Variants in SAMD5 observed in about 807,000 individuals in gnomAD.
The protein encoded by SAMD5 is sterile alpha motif domain containing 5.
In SAMD5, 13 loss-of-function variants were observed where a neutral mutation model predicts 11.3. The ratio of observed to expected loss-of-function variants is 1.15; its 90% CI spans 0.75 to 1.83. The LOEUF (loss-of-function observed/expected upper bound fraction) is 1.83. SAMD5 is among the 40% of genes most tolerant of loss of function. The pLI is 0.00. For missense variants in SAMD5, 255 were observed against 239.1 expected (o/e 1.07, Z -0.44); for synonymous variants, 129 against 111.3 (o/e 1.16, Z -1.00).
the SAMD5 span, among the ~76,000 whole-genome samples, chr6:147,805,217 T>C: frequency 6.6e-6 from 1 of 152,258 alleles, no homozygotes; most frequent in Admixed American, 6.5e-5. Flanking sequence ...AGAATTTTCT[T>C]GTGCTTCTGT....
Position 147,566,089 on chromosome 6 carries a change from T to C in SAMD5, c.*1633T>C. 1 of 982,900 alleles carries C rather than the reference T, an allele frequency of 1.0e-6. No homozygotes were observed. The highest frequency in any genetic ancestry group is 1.2e-6 in the Non-Finnish European group (1 of 827,660). 60.9% of individuals were successfully genotyped at this position (982,900 alleles called of 1,614,324 possible). A position where few individuals can be genotyped will look rare whatever the true frequency, so the allele number is the denominator to read the frequency against. ...GATATTAGGTTTCTAAGGACAATTT[T>C]AACACAATACTGCTTTAAAAATCTG... On this transcript the variant is annotated 3_prime_UTR_variant, in exon 2 of 2. Transcript: ENST00000367474.
At chr6:147,571,115 A>G (rs1414267771), downstream of SAMD5, among the ~76,000 whole-genome samples, 1 of 152,238 alleles carries the variant, frequency 6.6e-6, no homozygotes, top group African/African-American at 2.4e-5. Context: ...AGGGGCCAGC[A>G]TTGTGGCTTG....
At chr6:147,720,536 A>C (rs1165728515) in intron 1 of SAMD5, among the ~76,000 whole-genome samples, 2 of 152,044 alleles carry the variant, frequency 1.3e-5, no homozygotes, top group African/African-American at 2.4e-5. Flanking sequence ...CTTGTGTAGA[A>C]ACGATACCAA....
At chr6:147,797,859 G>C in the SAMD5 span, among the ~76,000 whole-genome samples, 1 of 151,102 alleles carries the variant, frequency 6.6e-6, no homozygotes, top group Non-Finnish European at 1.5e-5. Context: ...TTTGCGTAGA[G>C]GTTTTGTAGT....
At chr6:147,888,653 C>T in the SAMD5 span, among the ~76,000 whole-genome samples, 13 of 152,030 alleles carry the variant, frequency 8.6e-5, no homozygotes, top group Admixed American at 7.2e-4. Flanking sequence ...GAGGCTGAGG[C>T]AGATGTATCA....
At chr6:147,553,976 C>A (rs1272654434) in intron 1 of SAMD5, among the ~76,000 whole-genome samples, 1 of 152,164 alleles carries the variant, frequency 6.6e-6, no homozygotes, top group African/African-American at 2.4e-5. Context: ...AGTCCATTCT[C>A]ACACTACTTT....
the SAMD5 span, among the ~76,000 whole-genome samples, chr6:147,782,321 G>T: frequency 1.1e-4 from 16 of 152,076 alleles, no homozygotes; most frequent in Non-Finnish European, 1.2e-4. Flanking sequence ...TAAAAGTTGC[G>T]TTCAGATACA....
the SAMD5 span, among the ~76,000 whole-genome samples, chr6:147,804,974 T>TA: frequency 6.6e-6 from 1 of 152,220 alleles, no homozygotes; most frequent in South Asian, 2.1e-4. Flanking sequence ...TATGGTGAGT[T>TA]AAAATCATCT....
At chr6:147,879,971 T>G in the SAMD5 span, among the ~76,000 whole-genome samples, 1 of 152,242 alleles carries the variant, frequency 6.6e-6, no homozygotes, top group Non-Finnish European at 1.5e-5. Context: ...TTTGTTATTT[T>G]GCTTCTTTTT....
At chr6:147,803,603 T>G in the SAMD5 span, among the ~76,000 whole-genome samples, 1 of 152,226 alleles carries the variant, frequency 6.6e-6, no homozygotes, top group East Asian at 1.9e-4. Flanking sequence ...GCATGTTTTA[T>G]GTTTATAATC....
chr6:147,826,935 G>A, the SAMD5 span, among the ~76,000 whole-genome samples: 12 of 152,174 alleles, frequency 7.9e-5, no homozygotes, highest in South Asian at 1.5e-3. Context: ...GGCTGCTCAC[G>A]TCCTACAGAG....
the SAMD5 span, among the ~76,000 whole-genome samples, chr6:147,827,979 TA>T: frequency 6.6e-6 from 1 of 150,622 alleles, no homozygotes; most frequent in Non-Finnish European, 1.5e-5. Flanking sequence ...TTTTTTTTTT[TA>T]GTAGAGATGG....
intron 1 of SAMD5, among the ~76,000 whole-genome samples, chr6:147,668,557 T>C (rs1186003859): frequency 6.6e-6 from 1 of 152,146 alleles, no homozygotes; most frequent in Non-Finnish European, 1.5e-5. Flanking sequence ...GTAAAAGTTA[T>C]GTTTGGCTGG....
At chr6:147,892,977 C>G in the SAMD5 span, among the ~76,000 whole-genome samples, 2 of 152,214 alleles carry the variant, frequency 1.3e-5, no homozygotes, top group African/African-American at 4.8e-5. Flanking sequence ...CTTTTGAAGG[C>G]TGAGGTGGGT....
chr6:147,749,077 G>A, the SAMD5 span, among the ~76,000 whole-genome samples: 4 of 152,024 alleles, frequency 2.6e-5, no homozygotes, highest in South Asian at 2.1e-4. Context: ...CTGACATCTT[G>A]AGATGTATTT....
chr6:147,896,755 A>AAAACAAAAAACAAACAAAC, the SAMD5 span, among the ~76,000 whole-genome samples: 274 of 142,422 alleles, frequency 1.9e-3, 1 homozygote, highest in African/African-American at 7.3e-3. Flanking sequence ...AAAAAAAAAA[A>AAAACAAAAAACAAACAAAC]AAAAAAAACG....
the SAMD5 span, among the ~76,000 whole-genome samples, chr6:147,933,572 G>T: frequency 6.6e-6 from 1 of 152,106 alleles, no homozygotes; most frequent in East Asian, 1.9e-4. Context: ...ATCCAGCTTT[G>T]TGTCTTCATT....
At chr6:147,610,006 A>G (rs1252351604) in intron 1 of SAMD5, among the ~76,000 whole-genome samples, 1 of 152,154 alleles carries the variant, frequency 6.6e-6, no homozygotes, top group Non-Finnish European at 1.5e-5. Context: ...TGTTTTCATC[A>G]AACAGTTGGG....
At chr6:147,647,131 C>T (rs2128452990) in intron 1 of SAMD5, among the ~76,000 whole-genome samples, 1 of 152,086 alleles carries the variant, frequency 6.6e-6, no homozygotes. Context: ...CATGCCATTG[C>T]ACCCCAGCCT....
Sources: gnomAD v4.1 joint callset for allele counts (sites outside exome capture counted in the v4.1 genomes callset) on GRCh38, gnomAD v4.1.1 for gene constraint, MANE v1.5 for transcripts, NCBI Gene and HGNC (gene_info 2026-07-23, HGNC 2026-07-21) for gene names.